Variants in DNAJC16 observed in about 807,000 individuals in gnomAD.
DNAJC16 encodes DnaJ heat shock protein family (Hsp40) member C16, also known as dnaJ homolog subfamily C member 16.
A neutral mutation model predicts 92.7 loss-of-function variants in DNAJC16; 76 were observed. The observed-to-expected ratio is 0.82, with a 90% CI of 0.68 to 0.99. The LOEUF (loss-of-function observed/expected upper bound fraction) is 0.99. DNAJC16 is among the 50% of genes least tolerant of loss of function. DNAJC16 has a pLI of 0.00. For synonymous variants in DNAJC16, 328 were observed against 358.7 expected (o/e 0.91, Z 0.97); for missense variants, 869 against 942.4 (o/e 0.92, Z 1.02).
At chr1:15,562,389 C>T in intron 9 of DNAJC16, 64 bp downstream of exon 9, 1 of 1,469,834 alleles carries the variant, frequency 6.8e-7, no homozygotes, top group South Asian at 1.4e-5. Flanking sequence ...GATTCTGTTT[C>T]CTTCTTCCTT....
intron 6 of DNAJC16, among the ~76,000 whole-genome samples, chr1:15,547,929 G>A (rs1162448267): frequency 2.0e-5 from 3 of 152,084 alleles, no homozygotes; most frequent in East Asian, 1.9e-4. Flanking sequence ...GACATGAGAC[G>A]GAGAGGAAGG....
intron 4 of DNAJC16, among the ~76,000 whole-genome samples, chr1:15,543,118 G>T (rs1570909156): frequency 6.6e-6 from 1 of 152,318 alleles, no homozygotes; most frequent in Middle Eastern, 3.4e-3. Flanking sequence ...GGACTACAAA[G>T]GGATCCCTAT....
At position 15,529,181 on chromosome 1, in the gene DNAJC16, T is replaced by A; in HGVS notation, c.76T>A (p.Leu26Met). 1 of 1,614,152 alleles carries A rather than the reference T, an allele frequency of 6.2e-7. No homozygotes were observed. The highest frequency in any genetic ancestry group is 8.5e-7 in the Non-Finnish European group (1 of 1,180,020). The change falls in exon 2 of 15, where the codon TTG becomes ATG. Residue 26 changes from leucine (L) to methionine (M), a missense_variant. Coordinates refer to ENST00000375847, the MANE Select transcript of DNAJC16 (RefSeq NM_015291.4). The stretch of plus-strand genomic sequence containing the variant: ...TCTGATCCTGCAAATTCTGTCTGCG[T>A]TGGATTTTGACCCATACAGAGTCCT... ...LVLILQILSA[L>M]DFDPYRVLGV...
At chr1:15,540,675 G>A (rs184923109) in intron 4 of DNAJC16, among the ~76,000 whole-genome samples, 220 of 152,200 alleles carry the variant, frequency 1.4e-3, no homozygotes, top group Admixed American at 4.8e-3. Context: ...GGTCACAAGC[G>A]ATCCTCCCGC....
At chr1:15,565,251 G>A (rs78404635) in intron 11 of DNAJC16, 1,745 of 152,620 alleles carry the variant, frequency 0.011, 39 homozygotes, top group African/African-American at 0.039. Context: ...GGGAACCTCT[G>A]GTGCCCAGCA....
At position 15,569,631 on chromosome 1, in the gene DNAJC16, C is replaced by CTTTTTTTTTTT. The variant is rs377498367; in HGVS notation, c.*1463_*1473dup. The CTTTTTTTTTTT allele has an allele frequency of 7.9e-6, 1 of 126,774 alleles. No homozygotes were observed. Among genetic ancestry groups the CTTTTTTTTTTT allele is most frequent in the African/African-American group, 3.0e-5 (1 of 33,860 alleles). 7.9% of individuals were successfully genotyped at this position (126,774 alleles called of 1,614,324 possible). ...GTGATGGGACATTTACTAAGTATTT[C>CTTTTTTTTTTT]TTTTTTTTTTTTTTTTTTTAGTTGT... On this transcript the variant is annotated 3_prime_UTR_variant, in exon 15 of 15. Coordinates refer to ENST00000375847, the MANE Select transcript of DNAJC16 (RefSeq NM_015291.4).
intron 8 of DNAJC16, among the ~76,000 whole-genome samples, chr1:15,559,967 G>A (rs190820179): frequency 3.7e-4 from 56 of 151,600 alleles, no homozygotes; most frequent in South Asian, 2.3e-3. Flanking sequence ...GGAGGCTGAG[G>A]CAGGAGAATC....
chr1:15,554,798 A>G (rs1638527304), intron 7 of DNAJC16, among the ~76,000 whole-genome samples: 1 of 152,176 alleles, frequency 6.6e-6, no homozygotes, highest in African/African-American at 2.4e-5. Flanking sequence ...GCAAAGCTAT[A>G]CGGCTTTTAG....
At chr1:15,532,154 T>C (rs141049122) in intron 2 of DNAJC16, among the ~76,000 whole-genome samples, 168 of 152,354 alleles carry the variant, frequency 1.1e-3, no homozygotes, top group Non-Finnish European at 2.0e-3. Flanking sequence ...GAATGGCAGA[T>C]TGGTGTGACG....
intron 2 of DNAJC16, among the ~76,000 whole-genome samples, chr1:15,531,244 G>A (rs749403379): frequency 3.3e-5 from 5 of 152,180 alleles, no homozygotes; most frequent in African/African-American, 1.2e-4. Flanking sequence ...GCGTGACTGC[G>A]CCTGACACTG....
At chr1:15,547,207 C>T (rs1270494755) in intron 6 of DNAJC16, among the ~76,000 whole-genome samples, 7 of 145,924 alleles carry the variant, frequency 4.8e-5, no homozygotes, top group East Asian at 2.1e-4. Flanking sequence ...TGCAGTGGCG[C>T]GATCTCCTCG....
At chr1:15,541,193 C>G (rs889560399) in intron 4 of DNAJC16, among the ~76,000 whole-genome samples, 2 of 152,186 alleles carry the variant, frequency 1.3e-5, no homozygotes, top group African/African-American at 2.4e-5. Flanking sequence ...TGTCTTGTAG[C>G]CAGTTGACCT....
chr1:15,563,824 T>G (rs1469818306), intron 9 of DNAJC16, 105 bp from the exon 10 acceptor site: 1 of 1,202,398 alleles, frequency 8.3e-7, no homozygotes, highest in African/African-American at 1.6e-5. Context: ...CACTCCAGCC[T>G]GGGCGACAAA....
intron 2 of DNAJC16, among the ~76,000 whole-genome samples, chr1:15,533,190 T>C (rs958435639): frequency 1.3e-5 from 2 of 152,208 alleles, no homozygotes; most frequent in African/African-American, 4.8e-5. Context: ...GCCCTTACTA[T>C]CGAGAACTTT....
intron 9 of DNAJC16, 87 bp downstream of exon 9, chr1:15,562,412 T>A: frequency 7.5e-7 from 1 of 1,327,560 alleles, no homozygotes; most frequent in Non-Finnish European, 1.0e-6. Context: ...GAGTGTTGAA[T>A]ACAGATTCTA....
chr1:15,567,301 TGTGTGA>T, intron 14 of DNAJC16, 32 bp downstream of exon 14: 1 of 1,590,110 alleles, frequency 6.3e-7, no homozygotes, highest in Non-Finnish European at 8.6e-7. Context: ...TGTATGTATG[TGTGTGA>T]GAGAGAGAGA....
At chr1:15,533,286 C>T (rs912408541) in intron 2 of DNAJC16, among the ~76,000 whole-genome samples, 1 of 152,102 alleles carries the variant, frequency 6.6e-6, no homozygotes, top group South Asian at 2.1e-4. Flanking sequence ...TGGCATGAGT[C>T]CAGGAATTTG....
At chr1:15,552,133 A>G (rs1445519074) in intron 7 of DNAJC16, among the ~76,000 whole-genome samples, 1 of 151,946 alleles carries the variant, frequency 6.6e-6, no homozygotes, top group African/African-American at 2.4e-5. Context: ...GGGCCTCCCA[A>G]AGTGCTGGGA....
chr1:15,559,368 C>T (rs1296580003), intron 7 of DNAJC16, among the ~76,000 whole-genome samples, 158 bp from the exon 8 acceptor site: 3 of 152,200 alleles, frequency 2.0e-5, no homozygotes, highest in Non-Finnish European at 4.4e-5. Context: ...TGAAATAGAT[C>T]ACCACATGTT....
Sources: allele counts gnomAD v4.1 joint callset (sites outside exome capture counted in the v4.1 genomes callset), GRCh38; gene constraint gnomAD v4.1.1; transcripts MANE v1.5; gene names NCBI Gene and HGNC (gene_info 2026-07-23, HGNC 2026-07-21).